Variants in GPRIN2 observed in about 807,000 individuals in gnomAD.
GPRIN2 encodes the protein G protein-regulated inducer of neurite outgrowth 2.
In GPRIN2, 1 loss-of-function variant was observed where a neutral mutation model predicts 0.3. The ratio of observed to expected loss-of-function variants is 3.90; its 90% CI spans 1.39 to 18.51. GPRIN2 has a LOEUF of 18.51. GPRIN2 is among the 30% of genes most tolerant of loss of function. GPRIN2 has a pLI of 0.11. For missense variants in GPRIN2, 880 were observed against 604.2 expected, an observed-to-expected ratio of 1.46 and a Z score of -4.79; for synonymous variants, 361 against 258.6, an observed-to-expected ratio of 1.40 and a Z score of -3.80.
Position 46,550,060 on chromosome 10 carries a change from C to T in GPRIN2, c.677G>A (p.Cys226Tyr). ...TAGAGCAGCTGGGGGCAGAGCATGG[C>T]AGGTGGTGGTAGCCAGCTGTTCAGC... ...KAAEQLATTT[C>Y]HALPPAALLC... The change falls in exon 3 of 3, where the codon TGC (cysteine) becomes TAC (tyrosine). Residue 226 changes from cysteine (C) to tyrosine (Y), a missense_variant. Cys to Tyr is a radical substitution (Grantham distance 194, BLOSUM62 -2). Transcript: ENST00000374314. 2 of 1,613,818 alleles carry T rather than the reference C, an allele frequency of 1.2e-6. No homozygotes were observed.
rs1832427233 is a variant in GPRIN2 at position 46,550,273 on chromosome 10, T to C, written c.464A>G (p.Gln155Arg). 13 of 1,612,102 alleles carry C rather than the reference T, an allele frequency of 8.1e-6. No homozygotes were observed. The highest frequency in any genetic ancestry group is 1.3e-5 in the African/African-American group (1 of 74,944). ...GCCAGAAGTACCACCTGGCTGCAGC[T>C]GAGCCCTGTGGACAGGGCTGCTGCC... ...ALGSSPVHRA[Q>R]LQPGGTSGQG... Residue 155 changes from glutamine to arginine, a missense_variant, in exon 3 of 3, where the codon CAG (glutamine) becomes CGG (arginine). By Grantham distance (43) the Gln-to-Arg change is conservative. Transcript: ENST00000374314.
In GPRIN2 at chr10:46,549,948, C is replaced by A; in HGVS notation, c.789G>T (p.Ala263=). ...TGILAFPKLV[A]SVSESGLQAQ... ...CCTGCAGCCCAGACTCGCTCACTGA[C>A]GCCACTAGTTTGGGAAAGGCCAGGA... Residue 263 remains alanine, a synonymous_variant, in exon 3 of 3, where the codon GCG becomes GCT. Coordinates refer to ENST00000374314, the MANE Select transcript of GPRIN2 (RefSeq NM_001385282.1). 1.9e-6 allele frequency: 3 copies of A among 1,614,258 alleles called. No individual in the cohort carries two copies. Among genetic ancestry groups the A allele is most frequent in the East Asian group, 4.5e-5 (2 of 44,896 alleles).
Position 46,550,581 on chromosome 10 carries a change from C to T in GPRIN2, c.156G>A (p.Leu52=), listed in dbSNP as rs1832315481. The change falls in exon 3 of 3, where the codon CTG becomes CTA. Residue 52 remains leucine (L), a synonymous_variant. Transcript: ENST00000374314. The part of the protein sequence containing the change: ...TASSTVWQAQ[L]GEASTRPQAP... ...CCTGGGGTCTGGTGCTGGCCTCGCC[C>T]AGCTGGGCCTGCCACACGGTGCTGC... The T allele has an allele frequency of 2.7e-5, 43 of 1,585,638 alleles. No individual in the cohort carries two copies. Among genetic ancestry groups the T allele is most frequent in the Non-Finnish European group, 3.7e-5 (43 of 1,166,552 alleles).
At chr10:46,555,175 G>A (rs1362090815) in intron 1 of GPRIN2, among the ~76,000 whole-genome samples, 1 of 152,306 alleles carries the variant, frequency 6.6e-6, no homozygotes, top group Admixed American at 6.5e-5. Flanking sequence ...TCGAACTCCT[G>A]ACCTTAGGTG....
Position 46,545,560 on chromosome 10 carries a change from G to A in GPRIN2, c.*3800C>T, listed in dbSNP as rs1842083248. The stretch of plus-strand genomic sequence containing the variant: ...GGTAGCCCTCCTCAATGCACTCTGG[G>A]AACTACATTTTCAGAAGCCCCAGCC... On this transcript the variant is annotated 3_prime_UTR_variant, in exon 3 of 3. Coordinates refer to ENST00000374314, the MANE Select transcript of GPRIN2 (RefSeq NM_001385282.1). Among the ~76,000 whole-genome samples, 1 of 152,310 alleles carries A rather than the reference G, an allele frequency of 6.6e-6. No homozygotes were observed. The highest frequency in any genetic ancestry group is 1.5e-5 in the Non-Finnish European group (1 of 68,058).
chr10:46,556,827 G>A (rs1407894856), upstream of GPRIN2, among the ~76,000 whole-genome samples: 7 of 152,270 alleles, frequency 4.6e-5, no homozygotes, highest in African/African-American at 1.7e-4. Context: ...CTCAGGCCGG[G>A]TCCCCACTGT....
upstream of GPRIN2, among the ~76,000 whole-genome samples, chr10:46,557,012 C>T (rs1763337217): frequency 6.6e-6 from 1 of 151,686 alleles, no homozygotes; most frequent in African/African-American, 2.4e-5. Context: ...CTCGTAGCCC[C>T]ACCCCCTCGC....
In GPRIN2 at chr10:46,545,250, C is replaced by G. The variant is rs1259212657; in HGVS notation, c.*4110G>C. ...GTGCACAACTTCCCCCAAAATAGGC[C>G]CTACGACTCCAGCAGAAACCTACCC... On this transcript the variant is annotated 3_prime_UTR_variant, in exon 3 of 3. Transcript: ENST00000374314. Among the ~76,000 whole-genome samples the G allele has an allele frequency of 6.6e-6, 1 of 151,446 alleles. No individual in the cohort carries two copies. The highest frequency in any genetic ancestry group is 1.5e-5 in the Non-Finnish European group (1 of 67,778).
In GPRIN2 at chr10:46,543,813, G is replaced by A. The variant is rs1476587620; in HGVS notation, c.*5547C>T. On this transcript the variant is annotated 3_prime_UTR_variant, in exon 3 of 3. Coordinates refer to ENST00000374314, the MANE Select transcript of GPRIN2 (RefSeq NM_001385282.1). ...ACCTTCCTCCTTGCTGGGCTATCTC[G>A]GGCTTGGAGTGGGAGAAGCCAGGCA... Among the ~76,000 whole-genome samples, 2 of 152,306 alleles carry A rather than the reference G, an allele frequency of 1.3e-5. No homozygotes were observed. The highest frequency in any genetic ancestry group is 2.1e-4 in the South Asian group (1 of 4,836).
chr10:46,550,671 G>C lies in GPRIN2; in HGVS notation c.66C>G (p.Ser22=). Residue 22 remains serine (S), a synonymous_variant, in exon 3 of 3, where the codon TCC becomes TCG. Coordinates refer to ENST00000374314, the MANE Select transcript of GPRIN2 (RefSeq NM_001385282.1). ...CACCCAGCAGGCTGGAAGAGCTCTGGGACAGGGGCTGAAGGCGGGGGCTCA... is the reference window on the plus strand; with the variant it reads ...CACCCAGCAGGCTGGAAGAGCTCTGCGACAGGGGCTGAAGGCGGGGGCTCA... ...APLSPRLQPL[S]QSSSSLLGEG... 6.5e-7 allele frequency: 1 copy of C among 1,530,762 alleles called. No homozygotes were observed. The highest frequency in any genetic ancestry group is 8.8e-7 in the Non-Finnish European group (1 of 1,142,280). 94.8% of individuals were successfully genotyped at this position (1,530,762 alleles called of 1,614,324 possible).
rs1475524794 is a variant in GPRIN2 at position 46,543,566 on chromosome 10, C to G, written c.*5794G>C. 1.3e-5 allele frequency among the ~76,000 whole-genome samples: 2 copies of G among 152,306 alleles called. No individual in the cohort carries two copies. The highest frequency in any genetic ancestry group is 2.9e-5 in the Non-Finnish European group (2 of 68,056). On this transcript the variant is annotated 3_prime_UTR_variant, in exon 3 of 3. Transcript: ENST00000374314. Reference sequence around the variant, plus strand: ...GCAGAGAAAGCACACTCTGTCTTTTCTCAGGAAAGCTGCAGGGAAATGAAA... The same window carrying G: ...GCAGAGAAAGCACACTCTGTCTTTTGTCAGGAAAGCTGCAGGGAAATGAAA...
In GPRIN2 at chr10:46,543,852, G is replaced by A. The variant is rs1356835693; in HGVS notation, c.*5508C>T. On this transcript the variant is annotated 3_prime_UTR_variant, in exon 3 of 3. Transcript: ENST00000374314. ...AGAAGCCAGGCAGGAGTCCTGGAGAGTGACCGCACAAGTGAGCAAAGGCGG... is the reference window on the plus strand; with the variant it reads ...AGAAGCCAGGCAGGAGTCCTGGAGAATGACCGCACAAGTGAGCAAAGGCGG... Among the ~76,000 whole-genome samples, 4 of 152,422 alleles carry A rather than the reference G, an allele frequency of 2.6e-5. No homozygotes were observed. The highest frequency in any genetic ancestry group is 1.3e-4 in the Admixed American group (2 of 15,312).
At position 46,550,116 on chromosome 10, in the gene GPRIN2, G is replaced by A. The variant is rs1832479304; in HGVS notation, c.621C>T (p.His207=). ...PPLDLGDTTA[H]SSSAQAEPKA... ...TGGGCTCAGCCTGGGCACTGCTGCT[G>A]TGGGCAGTTGTGTCCCCCAGGTCTA... The change falls in exon 3 of 3, where the codon CAC becomes CAT. Residue 207 remains histidine, a synonymous_variant. Transcript: ENST00000374314. 3 of 1,609,546 alleles carry A rather than the reference G, an allele frequency of 1.9e-6. No homozygotes were observed. Among genetic ancestry groups the A allele is most frequent in the South Asian group, 2.2e-5 (2 of 90,748 alleles).
rs1832687416 is a variant in GPRIN2 at position 46,549,537 on chromosome 10, C to G, written c.1200G>C (p.Leu400=). The G allele has an allele frequency of 6.2e-7, 1 of 1,613,598 alleles. No individual in the cohort carries two copies. ...TWEVYGAAVD[L]EVLGVAIQKH... is the part of the protein sequence containing the mutation. ...TCTGGATGGCCACACCGAGCACCTC[C>G]AGGTCCACCGCAGCTCCGTACACCT... is the stretch of plus-strand genomic sequence containing the variant. Residue 400 remains leucine, a synonymous_variant, in exon 3 of 3, where the codon CTG becomes CTC. Coordinates refer to ENST00000374314, the MANE Select transcript of GPRIN2 (RefSeq NM_001385282.1).
rs1455800252 is a variant in GPRIN2, at chr10:46,541,940, G to A, written c.*7420C>T. 2.0e-5 allele frequency among the ~76,000 whole-genome samples: 3 copies of A among 152,282 alleles called. No individual in the cohort carries two copies. The highest frequency in any genetic ancestry group is 2.9e-5 in the Non-Finnish European group (2 of 68,048). On this transcript the variant is annotated 3_prime_UTR_variant, in exon 3 of 3. Transcript: ENST00000374314. The stretch of plus-strand genomic sequence containing the variant: ...CCCACCCCTTCCCCCAGCCCAGGAG[G>A]CTTCCACCCCTTCAAGAATTGAAAT...
chr10:46,557,030 C>T (rs1843324029), upstream of GPRIN2, among the ~76,000 whole-genome samples: 1 of 660 alleles, frequency 1.5e-3, no homozygotes. Context: ...CGCTCCAGTG[C>T]CCCTCGCTCC....
Position 46,549,824 on chromosome 10 carries a change from C to T in GPRIN2, c.913G>A (p.Glu305Lys), listed in dbSNP as rs1402900920. The T allele has an allele frequency of 2.5e-5, 40 of 1,614,084 alleles. No homozygotes were observed. Among genetic ancestry groups the T allele is most frequent in the Non-Finnish European group, 3.4e-5 (40 of 1,180,040 alleles). ...HLWGPAGLVP[E>K]PGSRTKDVWT... is the part of the protein sequence containing the mutation. The stretch of plus-strand genomic sequence containing the variant: ...ACATCTTTGGTCCTAGAGCCAGGCT[C>T]TGGGACTAACCCAGCGGGACCCCAA... The change falls in exon 3 of 3, where the codon GAG (glutamate) becomes AAG (lysine). Residue 305 changes from glutamate (E) to lysine (K), a missense_variant. Physicochemically the swap from Glu to Lys is moderately conservative, Grantham distance 56 (BLOSUM62 1). Coordinates refer to ENST00000374314, the MANE Select transcript of GPRIN2 (RefSeq NM_001385282.1).
chr10:46,549,605 G>T lies in GPRIN2; in HGVS notation c.1132C>A (p.Pro378Thr), dbSNP rs1832660934. Residue 378 changes from proline (P) to threonine (T), a missense_variant, in exon 3 of 3, where the codon CCT becomes ACT. Pro to Thr is a conservative substitution (Grantham distance 38, BLOSUM62 -1). Coordinates refer to ENST00000374314, the MANE Select transcript of GPRIN2 (RefSeq NM_001385282.1). ...GCATCCCATCGCACATCCCGCACAG[G>T]GGACGGCACCTCCTCCAGGCTGGAC... ...LGSSLEEVPS[P>T]VRDVRWDAEG... 5.0e-6 allele frequency: 8 copies of T among 1,614,116 alleles called. No individual in the cohort carries two copies. The highest frequency in any genetic ancestry group is 6.8e-6 in the Non-Finnish European group (8 of 1,180,008).
At chr10:46,554,808 C>G (rs937104917) in intron 1 of GPRIN2, 113 bp from the exon 2 acceptor site, 1 of 154,290 alleles carries the variant, frequency 6.5e-6, no homozygotes, top group Admixed American at 6.5e-5. Flanking sequence ...AGTCAACGTA[C>G]AGAGTCCAGC....
Sources: allele counts gnomAD v4.1 joint callset (sites outside exome capture counted in the v4.1 genomes callset), GRCh38; gene constraint gnomAD v4.1.1; transcripts MANE v1.5; gene names NCBI Gene and HGNC (gene_info 2026-07-23, HGNC 2026-07-21).